The following IQSEC1 variants were observed in gnomAD, a reference collection of about 807,000 sequenced individuals.
The protein encoded by IQSEC1 is IQ motif and SEC7 domain-containing protein 1.
IQSEC1 carries 31 observed loss-of-function variants against 91.0 expected under a neutral mutation model. That is an observed-to-expected ratio of 0.34 (90% CI 0.26 to 0.46). IQSEC1 has a LOEUF of 0.46. IQSEC1 is among the 20% of genes least tolerant of loss of function. IQSEC1 has a pLI of 1.00. For missense variants in IQSEC1, 1,388 were observed against 1,575.6 expected, an observed-to-expected ratio of 0.88 and a Z score of 2.02; for synonymous variants, 699 against 662.6, an observed-to-expected ratio of 1.05 and a Z score of -0.84.
intron 2 of IQSEC1, among the ~76,000 whole-genome samples, chr3:13,136,452 T>C (rs1250267014): frequency 2.0e-5 from 3 of 152,074 alleles, no homozygotes; most frequent in Admixed American, 2.0e-4. Flanking sequence ...TACAGTGAAA[T>C]GAGCATTCCT....
chr3:13,082,706 A>G (rs1559251430), intron 2 of IQSEC1, among the ~76,000 whole-genome samples: 1 of 151,900 alleles, frequency 6.6e-6, no homozygotes, highest in Admixed American at 6.5e-5. Context: ...TTAACCTGAA[A>G]CCTGACCATG....
chr3:12,934,939 G>A (rs187834176), intron 3 of IQSEC1, among the ~76,000 whole-genome samples: 31 of 151,700 alleles, frequency 2.0e-4, no homozygotes, highest in African/African-American at 6.8e-4. Flanking sequence ...GCCAGCAACT[G>A]CCCCTGAGCA....
At chr3:13,196,272 C>A (rs184157372) in intron 1 of IQSEC1, among the ~76,000 whole-genome samples, 3 of 152,282 alleles carry the variant, frequency 2.0e-5, no homozygotes, top group Admixed American at 6.5e-5. Context: ...CTTCAGGTGA[C>A]CCCAGCCCAG....
In IQSEC1 at chr3:12,983,044, T is replaced by C. The variant is rs1206889576; in HGVS notation, c.24-41179A>G. ...CCTCTCTGGGTGCTTGTGCGTGGGA[T>C]GGAGGGTGAGGAGTGCTATTGCTCA... On this transcript the variant is annotated intron_variant, in intron 1 of 13. Transcript: ENST00000613206. This position sits in a 1 kb window ranked among gnomAD's most constrained non-coding sequence, Gnocchi z 4.3. Among the ~76,000 whole-genome samples, 1 of 152,172 alleles carries C rather than the reference T, an allele frequency of 6.6e-6. No homozygotes were observed. Among genetic ancestry groups the C allele is most frequent in the Non-Finnish European group, 1.5e-5 (1 of 68,020 alleles).
At chr3:13,174,554 C>T (rs1297858852) in intron 1 of IQSEC1, among the ~76,000 whole-genome samples, 1 of 152,164 alleles carries the variant, frequency 6.6e-6, no homozygotes, top group African/African-American at 2.4e-5. Flanking sequence ...ATCTTCCACA[C>T]CCTGCTGTCA....
At chr3:13,139,911 T>C (rs1165537793) in intron 2 of IQSEC1, among the ~76,000 whole-genome samples, 1 of 152,110 alleles carries the variant, frequency 6.6e-6, no homozygotes, top group African/African-American at 2.4e-5. Flanking sequence ...ATGCACAAAT[T>C]CCCAGAGGCA....
intron 1 of IQSEC1, among the ~76,000 whole-genome samples, chr3:12,943,402 T>C (rs778274710): frequency 4.6e-5 from 7 of 152,166 alleles, no homozygotes; most frequent in Non-Finnish European, 7.4e-5. Flanking sequence ...GGCTTCTCAG[T>C]GTAGGACGAG....
intron 1 of IQSEC1, among the ~76,000 whole-genome samples, chr3:13,281,485 C>T (rs1259654905): frequency 1.3e-5 from 2 of 152,166 alleles, no homozygotes; most frequent in Non-Finnish European, 2.9e-5. Context: ...CACCCACAGC[C>T]CGACCCCATC....
intron 1 of IQSEC1, among the ~76,000 whole-genome samples, chr3:13,066,373 G>A (rs765970291): frequency 1.3e-5 from 2 of 152,260 alleles, no homozygotes; most frequent in African/African-American, 2.4e-5. Context: ...CGGGCAGCTG[G>A]TGACAACAGA....
chr3:12,938,656 A>G (rs1053720463), intron 2 of IQSEC1, among the ~76,000 whole-genome samples: 2 of 152,166 alleles, frequency 1.3e-5, no homozygotes, highest in East Asian at 1.9e-4. Context: ...AAGAGGCCCA[A>G]GGCTGGGATC....
At position 12,908,638 on chromosome 3, in the gene IQSEC1, G is replaced by A. The variant is rs940227038; in HGVS notation, c.2579-113C>T. 1 of 1,168,018 alleles carries A rather than the reference G, an allele frequency of 8.6e-7. No homozygotes were observed. Among genetic ancestry groups the A allele is most frequent in the African/African-American group, 1.5e-5 (1 of 65,588 alleles). 72.4% of individuals were successfully genotyped at this position (1,168,018 alleles called of 1,614,324 possible). A position where few individuals can be genotyped will look rare whatever the true frequency, so the allele number is the denominator to read the frequency against. ...TCCTGAGCCACCATCTGCTTGGAAT[G>A]GGGAAGGGTTGTTTCTGGGAAAGAG... is the stretch of plus-strand genomic sequence containing the variant. On this transcript the variant is annotated intron_variant, in intron 11 of 13. Coordinates refer to ENST00000613206, the MANE Select transcript of IQSEC1 (RefSeq NM_001134382.3). The surrounding 1 kb of genome is among the most constrained non-coding windows in gnomAD (Gnocchi z 4.9).
chr3:13,052,582 T>C lies in IQSEC1; in HGVS notation c.23+20410A>G, dbSNP rs370602860. On this transcript the variant is annotated intron_variant, in intron 1 of 13. Coordinates refer to ENST00000613206, the MANE Select transcript of IQSEC1 (RefSeq NM_001134382.3). The stretch of plus-strand genomic sequence containing the variant: ...GCCCAAGAGCCCAGATGGTAGGTCG[T>C]ATGGTGTGTGTATGATGAGTTTTAA... 3.8e-4 allele frequency among the ~76,000 whole-genome samples: 58 copies of C among 152,326 alleles called. 2 individuals are homozygous for C. In the South Asian group the frequency reaches 8.3e-3, roughly 22 times the overall value.
chr3:13,167,971 G>A (rs531309572), intron 1 of IQSEC1, among the ~76,000 whole-genome samples: 4 of 152,306 alleles, frequency 2.6e-5, no homozygotes, highest in African/African-American at 9.6e-5. Context: ...CGGCTGGAAG[G>A]GAACACAGGC....
chr3:13,036,325 T>C (rs1422575658), intron 1 of IQSEC1, among the ~76,000 whole-genome samples: 1 of 152,170 alleles, frequency 6.6e-6, no homozygotes, highest in Non-Finnish European at 1.5e-5. Flanking sequence ...CAGTTTTTCC[T>C]TGTCTGAAAC....
At chr3:13,248,245 G>A (rs960511092) in intron 1 of IQSEC1, among the ~76,000 whole-genome samples, 4 of 152,200 alleles carry the variant, frequency 2.6e-5, no homozygotes, top group Admixed American at 1.3e-4. Flanking sequence ...GGGTTCAGGA[G>A]GAAGCCGGGG....
chr3:13,026,882 TG>T (rs200662331), intron 1 of IQSEC1, among the ~76,000 whole-genome samples: 369 of 30,148 alleles, frequency 0.012, 22 homozygotes, highest in African/African-American at 0.022. Flanking sequence ...TTTTTTTGTT[TG>T]TTTTTTTTTT....
At chr3:13,079,119 A>G (rs1705607218) in intron 2 of IQSEC1, among the ~76,000 whole-genome samples, 1 of 152,220 alleles carries the variant, frequency 6.6e-6, no homozygotes. Flanking sequence ...CAGACAGGAT[A>G]GGTGCAGAGC....
intron 1 of IQSEC1, chr3:13,015,638 G>C (rs919127105): frequency 1.0e-6 from 1 of 985,208 alleles, no homozygotes; most frequent in Non-Finnish European, 1.2e-6. Flanking sequence ...CTGCCTCTGC[G>C]GCCCCGGGGG....
intron 3 of IQSEC1, among the ~76,000 whole-genome samples, chr3:12,934,431 G>T (rs1186352525): frequency 6.6e-6 from 1 of 152,202 alleles, no homozygotes; most frequent in African/African-American, 2.4e-5. Context: ...GAGAACAGGG[G>T]GCAGACGGAG....
Sources: gnomAD v4.1 joint callset for allele counts (sites outside exome capture counted in the v4.1 genomes callset) on GRCh38, gnomAD v4.1.1 for gene constraint, Gnocchi (gnomAD v3.1) non-coding constraint, MANE v1.5 for transcripts, NCBI Gene and HGNC (gene_info 2026-07-23, HGNC 2026-07-21) for gene names.